The following VAPB variants were observed in gnomAD, a reference collection of about 807,000 sequenced individuals.
VAPB encodes vesicle-associated membrane protein-associated protein B/C.
VAPB carries 7 observed loss-of-function variants against 25.6 expected under a neutral mutation model. The ratio of observed to expected loss-of-function variants is 0.27; its 90% CI spans 0.16 to 0.51. VAPB has a LOEUF of 0.51. Ranked by LOEUF, VAPB falls within the 20% of genes least tolerant of loss-of-function variation. VAPB has a pLI of 0.97. For synonymous variants in VAPB, 112 were observed against 109.2 expected (o/e 1.03, Z -0.16); for missense variants, 266 against 301.3 (o/e 0.88, Z 0.87).
intron 3 of VAPB, among the ~76,000 whole-genome samples, chr20:58,435,813 G>T (rs1456655217): frequency 6.6e-6 from 1 of 152,150 alleles, no homozygotes; most frequent in Non-Finnish European, 1.5e-5. Flanking sequence ...TCTGCAACAT[G>T]ATGTGTTACT....
At chr20:58,415,872 A>G (rs947854651) in intron 1 of VAPB, among the ~76,000 whole-genome samples, 4 of 152,214 alleles carry the variant, frequency 2.6e-5, no homozygotes, top group South Asian at 4.1e-4. Flanking sequence ...GAACACTAAC[A>G]TGGTTTATTT....
rs938574461 is a variant in VAPB at position 58,446,836 on chromosome 20, T to A, written c.*2601T>A. On this transcript the variant is annotated 3_prime_UTR_variant, in exon 6 of 6. Coordinates refer to ENST00000475243, the MANE Select transcript of VAPB (RefSeq NM_004738.5). ...AAATGTGCCAGGAAAAGAAAGAATG[T>A]GGAGCACGCGTGGCTCCTGGAGGAC... The A allele has an allele frequency of 8.8e-6, 4 of 454,090 alleles. No homozygotes were observed. In the Admixed American group the frequency reaches 9.4e-5, roughly 11 times the overall value. The allele number at this position is 454,090 out of a possible 1,614,324, so 28.1% of individuals were successfully genotyped here. A position where few individuals can be genotyped will look rare whatever the true frequency, so the allele number is the denominator to read the frequency against.
chr20:58,434,854 C>G (rs1989006095), intron 3 of VAPB, 149 bp downstream of exon 3: 1 of 607,914 alleles, frequency 1.6e-6, no homozygotes, highest in South Asian at 1.8e-5. Context: ...CTTTATCTAC[C>G]TTTATGGTTT....
At chr20:58,402,730 C>T (rs6100054) in intron 1 of VAPB, among the ~76,000 whole-genome samples, 31,530 of 151,940 alleles carry the variant, frequency 0.21, 3,691 homozygotes, top group African/African-American at 0.3. Context: ...AGATGCCAGG[C>T]GCAATGGCTC....
At chr20:58,423,427 AAAAAAAAAAAAAAAAAAAAAAAG>A (rs1178283350) in intron 2 of VAPB, among the ~76,000 whole-genome samples, 1 of 145,990 alleles carries the variant, frequency 6.8e-6, no homozygotes, top group Admixed American at 6.8e-5. Context: ...AAAAAAAAAA[AAAAAAAAAAAAAAAAAAAAAAAG>A]AAAAGAAAAA....
chr20:58,408,016 G>A (rs1370250137), intron 1 of VAPB, among the ~76,000 whole-genome samples: 2 of 152,058 alleles, frequency 1.3e-5, no homozygotes, highest in Non-Finnish European at 2.9e-5. Flanking sequence ...ACAGTAGCAT[G>A]TCTTCCAGTT....
Position 58,445,822 on chromosome 20 carries a change from G to C in VAPB, c.*1587G>C. On this transcript the variant is annotated 3_prime_UTR_variant, in exon 6 of 6. Transcript: ENST00000475243. ...TGGCCTTCCATTGCTTTGGCCTTCA[G>C]TAAAAAGCAGCCTCCCTTCTAGGTC... The C allele has an allele frequency of 2.2e-6, 1 of 453,916 alleles. No individual in the cohort carries two copies. The highest frequency in any genetic ancestry group is 4.4e-6 in the Non-Finnish European group (1 of 226,774). 28.1% of individuals were successfully genotyped at this position (453,916 alleles called of 1,614,324 possible).
rs1276898198 is a variant in VAPB at position 58,389,303 on chromosome 20, C to CT, written c.-157_-156insT. 4 of 451,098 alleles carry CT rather than the reference C, an allele frequency of 8.9e-6. No homozygotes were observed. The highest frequency in any genetic ancestry group is 3.6e-5 in the African/African-American group (1 of 27,532). 27.9% of individuals were successfully genotyped at this position (451,098 alleles called of 1,614,324 possible). A position where few individuals can be genotyped will look rare whatever the true frequency, so the allele number is the denominator to read the frequency against. On this transcript the variant is annotated 5_prime_UTR_variant, in exon 1 of 6. Transcript: ENST00000475243. ...CCTGCGCCTGCACCGCGTAGACCGACCCCCCCCCAGCGCGCCCACCCGGTA... is the reference window on the plus strand; with the variant it reads ...CCTGCGCCTGCACCGCGTAGACCGACTCCCCCCCCAGCGCGCCCACCCGGTA...
intron 1 of VAPB, chr20:58,390,384 T>G (rs1408456973): frequency 1.3e-5 from 2 of 151,362 alleles, no homozygotes; most frequent in Non-Finnish European, 2.9e-5. Flanking sequence ...CTTTTGTTTT[T>G]TTTTTTTTTT....
intron 1 of VAPB, among the ~76,000 whole-genome samples, chr20:58,408,337 G>C (rs1410531519): frequency 6.6e-6 from 1 of 152,064 alleles, no homozygotes; most frequent in Non-Finnish European, 1.5e-5. Context: ...CTATGGGTAG[G>C]GTTGTTTTTA....
Position 58,449,850 on chromosome 20 carries a change from CT to C in VAPB, c.*5616del, listed in dbSNP as rs1483167233. 1.1e-5 allele frequency: 5 copies of C among 454,006 alleles called. No homozygotes were observed. Among genetic ancestry groups the C allele is most frequent in the Non-Finnish European group, 1.3e-5 (3 of 226,802 alleles). The allele number at this position is 454,006 out of a possible 1,614,324, so 28.1% of individuals were successfully genotyped here. A position where few individuals can be genotyped will look rare whatever the true frequency, so the allele number is the denominator to read the frequency against. ...ATTCTGATGAGCTGCAGGAGTGCGC[CT>C]GGCCTTCTGCAGGTGGAGCTGCTGT... On this transcript the variant is annotated 3_prime_UTR_variant, in exon 6 of 6. Coordinates refer to ENST00000475243, the MANE Select transcript of VAPB (RefSeq NM_004738.5).
rs1026663401 is a variant in VAPB, at chr20:58,449,975, A to G, written c.*5740A>G. On this transcript the variant is annotated 3_prime_UTR_variant, in exon 6 of 6. Transcript: ENST00000475243. ...GGAAAATGCCAACTAAGGGAGACTA[A>G]TCAGATATCTTAACACAATTTCATC... 3 of 453,946 alleles carry G rather than the reference A, an allele frequency of 6.6e-6. No individual in the cohort carries two copies. The highest frequency in any genetic ancestry group is 1.3e-5 in the Non-Finnish European group (3 of 226,764). 28.1% of individuals were successfully genotyped at this position (453,946 alleles called of 1,614,324 possible). A position where few individuals can be genotyped will look rare whatever the true frequency, so the allele number is the denominator to read the frequency against.
In VAPB at chr20:58,395,288, A is replaced by G. The variant is rs1159585649; in HGVS notation, c.58+5771A>G. ...TGCCTCAGCCTCCCGAGTAGCTGGG[A>G]CTACAGGCACATGCCACCATGCCTA... On this transcript the variant is annotated intron_variant, in intron 1 of 5. Coordinates refer to ENST00000475243, the MANE Select transcript of VAPB (RefSeq NM_004738.5). Among the ~76,000 whole-genome samples the G allele has an allele frequency of 3.6e-4, 55 of 151,680 alleles. 1 individual carries two copies. The highest frequency in any genetic ancestry group is 3.6e-3 in the Admixed American group (55 of 15,196).
chr20:58,431,558 GTT>G (rs66688049), intron 2 of VAPB: 4 of 146,364 alleles, frequency 2.7e-5, no homozygotes, highest in South Asian at 2.2e-4. Context: ...TATCTTGTTT[GTT>G]TTTTTTTTTG....
intron 1 of VAPB, among the ~76,000 whole-genome samples, chr20:58,392,146 C>T (rs1418403425): frequency 6.6e-6 from 1 of 152,164 alleles, no homozygotes; most frequent in Non-Finnish European, 1.5e-5. Context: ...TCCTCAAAGC[C>T]TGGGGTGGTT....
At chr20:58,429,185 A>AC (rs1304906134) in intron 2 of VAPB, among the ~76,000 whole-genome samples, 1 of 151,556 alleles carries the variant, frequency 6.6e-6, no homozygotes, top group Non-Finnish European at 1.5e-5. Flanking sequence ...CAGATCAAAA[A>AC]CCTCCCATAA....
intron 1 of VAPB, among the ~76,000 whole-genome samples, chr20:58,389,944 G>A (rs1485934044): frequency 2.0e-5 from 3 of 152,160 alleles, no homozygotes; most frequent in African/African-American, 4.8e-5. Flanking sequence ...CCCAGCCACC[G>A]TGCACACCTG....
intron 1 of VAPB, among the ~76,000 whole-genome samples, chr20:58,393,141 C>T (rs772810040): frequency 6.6e-6 from 1 of 152,172 alleles, no homozygotes; most frequent in African/African-American, 2.4e-5. Flanking sequence ...TCAAGAGATC[C>T]TCCTGCTTTA....
intron 2 of VAPB, among the ~76,000 whole-genome samples, chr20:58,422,325 C>G (rs561012164): frequency 1.3e-5 from 2 of 152,226 alleles, no homozygotes; most frequent in Non-Finnish European, 2.9e-5. Flanking sequence ...ATACTATCAA[C>G]TAGAGATGGT....
Sources: gnomAD v4.1 joint callset for allele counts (sites outside exome capture counted in the v4.1 genomes callset) on GRCh38, gnomAD v4.1.1 for gene constraint, MANE v1.5 for transcripts, NCBI Gene and HGNC (gene_info 2026-07-23, HGNC 2026-07-21) for gene names.